The following LAMC2 variants were observed in gnomAD, a reference collection of about 807,000 sequenced individuals.
LAMC2 encodes the protein laminin subunit gamma-2.
A neutral mutation model predicts 140.2 loss-of-function variants in LAMC2; 97 were observed. The ratio of observed to expected loss-of-function variants is 0.69; its 90% CI spans 0.59 to 0.82. The LOEUF (loss-of-function observed/expected upper bound fraction) is 0.82. LAMC2 is among the 40% of genes least tolerant of loss of function. The pLI is 0.00. For synonymous variants in LAMC2, 513 were observed against 540.2 expected (o/e 0.95, Z 0.70); for missense variants, 1,402 against 1,476.1 (o/e 0.95, Z 0.82).
intron 18 of LAMC2, 77 bp from the exon 19 acceptor site, chr1:183,238,230 T>C: frequency 2.9e-6 from 3 of 1,027,548 alleles, no homozygotes; most frequent in East Asian, 2.4e-5. Context: ...TCTGCTGTCA[T>C]GAAGAGAAAT....
rs370571726 is a variant in LAMC2, at chr1:183,236,454, C to T, written c.2457-6C>T. The T allele has an allele frequency of 6.2e-7, 1 of 1,610,246 alleles. No individual in the cohort carries two copies. The highest frequency in any genetic ancestry group is 2.2e-5 in the East Asian group (1 of 44,778). The stretch of plus-strand genomic sequence containing the variant: ...ATTACCGCCCCCTCCCCACCCCCAA[C>T]ACCAGATTGGAGAAAACCAAGTCCC... On this transcript the variant is annotated splice_region_variant and splice_polypyrimidine_tract_variant and intron_variant, in intron 16 of 22. Coordinates refer to ENST00000264144, the MANE Select transcript of LAMC2 (RefSeq NM_005562.3).
intron 22 of LAMC2, among the ~76,000 whole-genome samples, chr1:183,242,316 C>T (rs1212196263): frequency 6.6e-6 from 1 of 152,188 alleles, no homozygotes; most frequent in Non-Finnish European, 1.5e-5. Flanking sequence ...ACTCTGTGTG[C>T]TCTCTTAAGT....
rs1660096154 is a variant in LAMC2, at chr1:183,240,331, A to G, written c.3268A>G (p.Asn1090Asp). ...CCAGAAGGTTGATACCAGAGCCAAGAACGCTGGGGTTACAATCCAAGACAC... is the reference window on the plus strand; with the variant it reads ...CCAGAAGGTTGATACCAGAGCCAAGGACGCTGGGGTTACAATCCAAGACAC... Reference protein sequence around the residue: ...EAQKVDTRAKNAGVTIQDTLN... With the variant: ...EAQKVDTRAKDAGVTIQDTLN... The change falls in exon 22 of 23, where the codon AAC becomes GAC. Residue 1090 changes from asparagine to aspartate, a missense_variant. Asn to Asp is a conservative substitution (Grantham distance 23). Coordinates refer to ENST00000264144, the MANE Select transcript of LAMC2 (RefSeq NM_005562.3). The G allele has an allele frequency of 1.2e-6, 2 of 1,614,220 alleles. No homozygotes were observed. The highest frequency in any genetic ancestry group is 8.5e-7 in the Non-Finnish European group (1 of 1,180,032).
intron 1 of LAMC2, among the ~76,000 whole-genome samples, chr1:183,188,119 A>G (rs964058386): frequency 6.6e-6 from 1 of 152,216 alleles, no homozygotes; most frequent in Non-Finnish European, 1.5e-5. Context: ...CTGGGCATCC[A>G]TCTACCCCAA....
intron 4 of LAMC2, 101 bp from the exon 5 acceptor site, chr1:183,220,724 C>A: frequency 8.1e-7 from 1 of 1,233,466 alleles, no homozygotes; most frequent in Non-Finnish European, 1.2e-6. Context: ...ATTAATAGGG[C>A]CAAATGGAAG....
intron 2 of LAMC2, among the ~76,000 whole-genome samples, chr1:183,214,378 C>T (rs908891807): frequency 1.3e-5 from 2 of 152,160 alleles, no homozygotes; most frequent in Non-Finnish European, 2.9e-5. Flanking sequence ...AATATTTAAT[C>T]AAGACCTGAG....
At chr1:183,201,917 T>G (rs1427608602) in intron 1 of LAMC2, among the ~76,000 whole-genome samples, 1 of 152,156 alleles carries the variant, frequency 6.6e-6, no homozygotes, top group Non-Finnish European at 1.5e-5. Flanking sequence ...TAAAAATGGC[T>G]AACTTGAAGA....
At chr1:183,245,991 A>C (rs1034707693), downstream of LAMC2, among the ~76,000 whole-genome samples, 1 of 152,258 alleles carries the variant, frequency 6.6e-6, no homozygotes, top group African/African-American at 2.4e-5. Flanking sequence ...AACATGGTGA[A>C]ACCCCGTCTC....
At chr1:183,230,797 A>G (rs1659775129) in intron 11 of LAMC2, among the ~76,000 whole-genome samples, 164 bp from the exon 12 acceptor site, 1 of 152,202 alleles carries the variant, frequency 6.6e-6, no homozygotes, top group African/African-American at 2.4e-5. Context: ...ACACCAGGCA[A>G]ACCTGCCACA....
intron 1 of LAMC2, among the ~76,000 whole-genome samples, chr1:183,197,974 A>G (rs1222803239): frequency 6.6e-6 from 1 of 152,074 alleles, no homozygotes; most frequent in Non-Finnish European, 1.5e-5. Context: ...ACCTGGCAGT[A>G]TGACATCATT....
At chr1:183,223,471 A>G in intron 7 of LAMC2, 147 bp downstream of exon 7, 1 of 734,002 alleles carries the variant, frequency 1.4e-6, no homozygotes, top group Non-Finnish European at 2.3e-6. Context: ...ATGTGCTGAG[A>G]AAGGACATGA....
intron 4 of LAMC2, among the ~76,000 whole-genome samples, chr1:183,219,439 T>G (rs1202154997): frequency 6.6e-6 from 1 of 152,182 alleles, no homozygotes; most frequent in Admixed American, 6.5e-5. Context: ...GAAATAGACC[T>G]CTGCTAAAAC....
At chr1:183,245,291 G>A (rs3768592), downstream of LAMC2, among the ~76,000 whole-genome samples, 5,941 of 152,250 alleles carry the variant, frequency 0.039, 145 homozygotes, top group South Asian at 0.12. Context: ...CTACGCAAGC[G>A]GCTGAGGAAA....
Position 183,208,039 on chromosome 1 carries a change from C to G in LAMC2, c.238C>G (p.Arg80Gly). The G allele has an allele frequency of 6.2e-7, 1 of 1,613,978 alleles. No homozygotes were observed. The highest frequency in any genetic ancestry group is 8.5e-7 in the Non-Finnish European group (1 of 1,180,000). ...CTTTTACCGGCACAGAGAAAGGGAC[C>G]GCTGTTTGCCCTGCAATTGTAACTC... ...NGFYRHRERD[R>G]CLPCNCNSKG... The change falls in exon 2 of 23, where the codon CGC (arginine) becomes GGC (glycine). Residue 80 changes from arginine to glycine, a missense_variant. Physicochemically the swap from Arg to Gly is moderately radical, Grantham distance 125. Coordinates refer to ENST00000264144, the MANE Select transcript of LAMC2 (RefSeq NM_005562.3).
chr1:183,252,735 A>T, the LAMC2 span: 1 of 1,613,632 alleles, frequency 6.2e-7, no homozygotes, highest in Non-Finnish European at 8.5e-7. Flanking sequence ...CCCATGCTGC[A>T]GGGCCAGCCT....
At position 183,212,624 on chromosome 1, in the gene LAMC2, G is replaced by C. The variant is rs972274852; in HGVS notation, c.269-2829G>C. Among the ~76,000 whole-genome samples the C allele has an allele frequency of 8.6e-5, 13 of 152,044 alleles. No homozygotes were observed. The East Asian group carries it at 1.7e-3, about 20-fold the overall frequency. On this transcript the variant is annotated intron_variant, in intron 2 of 22. Transcript: ENST00000264144. Reference sequence around the variant, plus strand: ...TCTGGACTGATCTCACATTTACTATGGCTTCCTATTCAGCCTGAGTGTTGA... The same window carrying C: ...TCTGGACTGATCTCACATTTACTATCGCTTCCTATTCAGCCTGAGTGTTGA...
At chr1:183,238,991 A>G (rs1660048104) in intron 19 of LAMC2, among the ~76,000 whole-genome samples, 1 of 152,230 alleles carries the variant, frequency 6.6e-6, no homozygotes, top group South Asian at 2.1e-4. Context: ...AATTTTCTTC[A>G]TGGAAAGTAC....
chr1:183,250,108 C>T (rs961854384), downstream of LAMC2: 1 of 152,248 alleles, frequency 6.6e-6, no homozygotes, highest in Non-Finnish European at 1.5e-5. Context: ...CCATCCATAA[C>T]TCCAAGTCCT....
At chr1:183,245,329 A>C (rs899884970), downstream of LAMC2, among the ~76,000 whole-genome samples, 2 of 152,256 alleles carry the variant, frequency 1.3e-5, no homozygotes, top group African/African-American at 4.8e-5. Context: ...ATTGACCCCC[A>C]GATTCTGATA....
Sources: gnomAD v4.1 joint callset for allele counts (sites outside exome capture counted in the v4.1 genomes callset) on GRCh38, gnomAD v4.1.1 for gene constraint, MANE v1.5 for transcripts, NCBI Gene and HGNC (gene_info 2026-07-23, HGNC 2026-07-21) for gene names.